The following NCKAP5 variants were observed in gnomAD, a reference collection of about 807,000 sequenced individuals.
NCKAP5 encodes the protein NCK associated protein 5, also known as nck-associated protein 5.
NCKAP5 carries 92 observed loss-of-function variants against 167.0 expected under a neutral mutation model. That is an observed-to-expected ratio of 0.55 (90% CI 0.47 to 0.66). The LOEUF is 0.66. NCKAP5 is among the 30% of genes least tolerant of loss of function. The pLI is 0.00. For synonymous variants in NCKAP5, 891 were observed against 877.4 expected (o/e 1.02, Z -0.27); for missense variants, 2,378 against 2,315.0 (o/e 1.03, Z -0.56).
intron 5 of NCKAP5, among the ~76,000 whole-genome samples, chr2:133,198,453 GA>G (rs2085534263): frequency 6.6e-6 from 1 of 152,070 alleles, no homozygotes; most frequent in African/African-American, 2.4e-5. Context: ...TTTCTCTTTA[GA>G]AATCATGGAA....
intron 6 of NCKAP5, among the ~76,000 whole-genome samples, chr2:133,089,131 C>A (rs1222807516): frequency 6.6e-6 from 1 of 152,118 alleles, no homozygotes; most frequent in Non-Finnish European, 1.5e-5. Context: ...GTATGGCATG[C>A]AACAGGGTAG....
intron 3 of NCKAP5, among the ~76,000 whole-genome samples, chr2:133,438,919 T>C (rs1041365145): frequency 7.2e-5 from 11 of 152,366 alleles, no homozygotes; most frequent in African/African-American, 2.6e-4. Flanking sequence ...TTCAATTTTC[T>C]CTGAGAAGTT....
intron 4 of NCKAP5, among the ~76,000 whole-genome samples, chr2:133,299,517 C>T (rs995920948): frequency 3.9e-5 from 6 of 151,972 alleles, no homozygotes; most frequent in African/African-American, 9.7e-5. Context: ...GAGTCCAAGG[C>T]GGGTGGATCA....
At position 133,102,240 on chromosome 2, in the gene NCKAP5, G is replaced by A. The variant is rs562532661; in HGVS notation, c.341+27738C>T. 4.6e-5 allele frequency among the ~76,000 whole-genome samples: 7 copies of A among 152,156 alleles called. No individual in the cohort carries two copies. In the East Asian group the frequency reaches 5.8e-4, roughly 13 times the overall value. On this transcript the variant is annotated intron_variant, in intron 6 of 19. Transcript: ENST00000409261. ...CGGCTCTCTGCAACCTCTGCCTCCC[G>A]GGTTCAAGTGATTCTCCTGCCTCAG... is the stretch of plus-strand genomic sequence containing the variant.
At chr2:133,482,805 G>A (rs906615480) in intron 3 of NCKAP5, among the ~76,000 whole-genome samples, 1 of 151,744 alleles carries the variant, frequency 6.6e-6, no homozygotes, top group African/African-American at 2.4e-5. Flanking sequence ...ACCAACATCT[G>A]TTATTTTTTT....
At chr2:132,974,941 C>G (rs2076937729) in intron 7 of NCKAP5, among the ~76,000 whole-genome samples, 1 of 152,214 alleles carries the variant, frequency 6.6e-6, no homozygotes, top group African/African-American at 2.4e-5. Flanking sequence ...GACAGCTGCT[C>G]CAGCGTGCCC....
chr2:133,189,432 T>C (rs1302821913), intron 5 of NCKAP5, among the ~76,000 whole-genome samples: 3 of 152,146 alleles, frequency 2.0e-5, no homozygotes, highest in Non-Finnish European at 4.4e-5. Flanking sequence ...TAATTCATTT[T>C]ATGAGGCCAG....
chr2:133,554,695 C>G (rs1250090967), intron 2 of NCKAP5, among the ~76,000 whole-genome samples: 3 of 152,034 alleles, frequency 2.0e-5, no homozygotes, highest in African/African-American at 4.8e-5. Flanking sequence ...ATATGTTGAC[C>G]CTACCGATAC....
intron 7 of NCKAP5, among the ~76,000 whole-genome samples, chr2:132,990,568 A>G (rs377367903): frequency 2.9e-4 from 44 of 152,318 alleles, no homozygotes; most frequent in African/African-American, 8.7e-4. Context: ...TCAGGATCTC[A>G]AGATGAGGAA....
intron 5 of NCKAP5, among the ~76,000 whole-genome samples, chr2:133,154,371 G>A (rs2083496713): frequency 6.6e-6 from 1 of 152,256 alleles, no homozygotes; most frequent in South Asian, 2.1e-4. Flanking sequence ...AGCCACCTCT[G>A]GTGAACACTG....
At chr2:133,173,367 G>A (rs2084327453) in intron 5 of NCKAP5, among the ~76,000 whole-genome samples, 1 of 152,106 alleles carries the variant, frequency 6.6e-6, no homozygotes, top group African/African-American at 2.4e-5. Context: ...ACTCCACTCA[G>A]GTTATTTTGA....
the NCKAP5 span, among the ~76,000 whole-genome samples, chr2:133,671,742 A>T: frequency 5.3e-5 from 8 of 151,734 alleles, no homozygotes; most frequent in African/African-American, 1.7e-4. Context: ...GGTATACACA[A>T]CAACAACAAC....
At chr2:133,308,129 C>T (rs1680926013) in intron 3 of NCKAP5, among the ~76,000 whole-genome samples, 1 of 137,948 alleles carries the variant, frequency 7.2e-6, no homozygotes, top group South Asian at 2.3e-4. Flanking sequence ...CGCTCTGTCG[C>T]CCAGGCTGGA....
chr2:132,910,247 G>A (rs1156996622), intron 8 of NCKAP5, among the ~76,000 whole-genome samples: 1 of 151,966 alleles, frequency 6.6e-6, no homozygotes, highest in Non-Finnish European at 1.5e-5. Flanking sequence ...TATCCTTTGT[G>A]TTACAAAGAA....
At chr2:133,553,094 C>T (rs184018244) in intron 2 of NCKAP5, among the ~76,000 whole-genome samples, 1 of 152,184 alleles carries the variant, frequency 6.6e-6, no homozygotes, top group East Asian at 1.9e-4. Context: ...TACAAAAATA[C>T]ACACAAAAAC....
chr2:133,234,064 A>C (rs942852540), intron 4 of NCKAP5, among the ~76,000 whole-genome samples: 2 of 152,214 alleles, frequency 1.3e-5, no homozygotes, highest in African/African-American at 4.8e-5. Context: ...AGCAGATAGG[A>C]GCACTCCTCA....
At chr2:133,589,234 A>T in the NCKAP5 span, among the ~76,000 whole-genome samples, 1 of 152,222 alleles carries the variant, frequency 6.6e-6, no homozygotes. Flanking sequence ...AGGTGTCAGG[A>T]TGAACTCGGG....
At chr2:132,731,050 A>G (rs1690953234) in intron 17 of NCKAP5, among the ~76,000 whole-genome samples, 1 of 152,230 alleles carries the variant, frequency 6.6e-6, no homozygotes, top group Non-Finnish European at 1.5e-5. Flanking sequence ...TAGTTCCTAT[A>G]TTTATGCATG....
At chr2:133,567,506 T>C (rs935174029) in intron 1 of NCKAP5, among the ~76,000 whole-genome samples, 10 of 152,210 alleles carry the variant, frequency 6.6e-5, no homozygotes, top group Admixed American at 3.9e-4. Flanking sequence ...TTTGCCTTTT[T>C]CAGTAGTACA....
Sources: gnomAD v4.1 joint callset for allele counts (sites outside exome capture counted in the v4.1 genomes callset) on GRCh38, gnomAD v4.1.1 for gene constraint, MANE v1.5 for transcripts, NCBI Gene and HGNC (gene_info 2026-07-23, HGNC 2026-07-21) for gene names.